Variants in CLASP2 observed in about 807,000 individuals in gnomAD.
The protein encoded by CLASP2 is cytoplasmic linker associated protein 2.
Under a neutral mutation model 194.4 loss-of-function variants are expected in CLASP2, and 47 were observed. The ratio of observed to expected loss-of-function variants is 0.24; its 90% CI spans 0.19 to 0.31. CLASP2 has a LOEUF of 0.31. Among genes scored for constraint, CLASP2 ranks in the 10% least tolerant of loss-of-function variants. The probability of loss-of-function intolerance (pLI) is 1.00; values close to 1 mark genes in which losing one functional copy is unlikely to be tolerated. For missense variants in CLASP2, 1,445 were observed against 1,823.6 expected, an observed-to-expected ratio of 0.79 and a Z score of 3.78; for synonymous variants, 619 against 633.5, an observed-to-expected ratio of 0.98 and a Z score of 0.34.
chr3:33,564,482 G>A (rs533290457), intron 27 of CLASP2, among the ~76,000 whole-genome samples: 1 of 152,258 alleles, frequency 6.6e-6, no homozygotes, highest in East Asian at 1.9e-4. Context: ...AGACTTCTCT[G>A]AGTTTCCTAA....
At chr3:33,556,914 C>T (rs1345827671) in intron 29 of CLASP2, among the ~76,000 whole-genome samples, 2 of 152,072 alleles carry the variant, frequency 1.3e-5, no homozygotes. Flanking sequence ...TTCGCTTTGT[C>T]TTTCTCTTCA....
chr3:33,628,925 G>C (rs988272065), intron 9 of CLASP2, among the ~76,000 whole-genome samples: 9 of 151,838 alleles, frequency 5.9e-5, no homozygotes, highest in African/African-American at 2.2e-4. Flanking sequence ...GAATAAAATG[G>C]AAGAACATCA....
chr3:33,606,592 T>C lies in CLASP2; in HGVS notation c.1693A>G (p.Asn565Asp). 1 of 1,609,762 alleles carries C rather than the reference T, an allele frequency of 6.2e-7. No homozygotes were observed. The highest frequency in any genetic ancestry group is 8.5e-7 in the Non-Finnish European group (1 of 1,176,720). The part of the protein sequence containing the change: ...RSSSSSQESL[N>D]RPFSSKWSTA... ...TAATCATTATTTATATGACCTTACT[T>C]GAGACTTTCCTGTGAGCTGGATGAG... Residue 565 changes from asparagine (N) to aspartate (D), a missense_variant and splice_region_variant, in exon 16 of 39, where the codon AAT (asparagine) becomes GAT (aspartate). Physicochemically the swap from Asn to Asp is conservative, Grantham distance 23. Coordinates refer to ENST00000682230, the MANE Select transcript of CLASP2 (RefSeq NM_001365631.1).
chr3:33,596,642 A>G, intron 19 of CLASP2, 69 bp downstream of exon 19: 1 of 1,045,954 alleles, frequency 9.6e-7, no homozygotes, highest in Non-Finnish European at 1.4e-6. Flanking sequence ...GAGAAGAATG[A>G]ACAAGGATAT....
chr3:33,588,144 A>G (rs895117732), intron 21 of CLASP2, among the ~76,000 whole-genome samples: 1 of 152,272 alleles, frequency 6.6e-6, no homozygotes, highest in African/African-American at 2.4e-5. Flanking sequence ...TTTTGCTTTA[A>G]TCATTAACCC....
intron 18 of CLASP2, among the ~76,000 whole-genome samples, chr3:33,600,703 C>A (rs1286126714): frequency 6.6e-6 from 1 of 152,164 alleles, no homozygotes; most frequent in Non-Finnish European, 1.5e-5. Context: ...TGGTAGTCTG[C>A]ATAATTCAAC....
rs372110144 is a variant in CLASP2, at chr3:33,498,659, G to C, written c.4493C>G (p.Pro1498Arg). 23 of 1,612,936 alleles carry C rather than the reference G, an allele frequency of 1.4e-5. No individual in the cohort carries two copies. The highest frequency in any genetic ancestry group is 1.9e-5 in the Non-Finnish European group (22 of 1,179,220). The change falls in exon 39 of 39, where the codon CCC becomes CGC. Residue 1498 changes from proline (P) to arginine (R), a missense_variant. Coordinates refer to ENST00000682230, the MANE Select transcript of CLASP2 (RefSeq NM_001365631.1). The stretch of plus-strand genomic sequence containing the variant: ...ACTTTGTCCAGAAACATCAGTAGTG[G>C]GATCAGCTCCTCCAGAACCTGTTTG... ...RAQTGSGGAD[P>R]TTDVSGQS
At chr3:33,682,644 T>C (rs796229813) in intron 6 of CLASP2, among the ~76,000 whole-genome samples, 7 of 152,314 alleles carry the variant, frequency 4.6e-5, no homozygotes, top group African/African-American at 1.7e-4. Flanking sequence ...AAAAAAGCCA[T>C]TGAAAAATAT....
At chr3:33,558,623 A>G (rs2061339104) in intron 29 of CLASP2, 1 of 152,098 alleles carries the variant, frequency 6.6e-6, no homozygotes, top group Admixed American at 6.5e-5. Flanking sequence ...TAGTTTTCAT[A>G]TTAACTGAAA....
At chr3:33,591,312 T>A (rs1393436598) in intron 21 of CLASP2, among the ~76,000 whole-genome samples, 1 of 152,224 alleles carries the variant, frequency 6.6e-6, no homozygotes, top group Non-Finnish European at 1.5e-5. Context: ...TGATTTTAAA[T>A]TAATAATGCC....
At chr3:33,685,773 CAGAA>C (rs991178259) in intron 5 of CLASP2, among the ~76,000 whole-genome samples, 1 of 124,906 alleles carries the variant, frequency 8.0e-6, no homozygotes, top group Non-Finnish European at 1.5e-5. Flanking sequence ...TTCACAAAGA[CAGAA>C]AGGAGAATAG....
chr3:33,498,811 A>G (rs2046149093), intron 38 of CLASP2, 94 bp from the exon 39 acceptor site: 2 of 581,814 alleles, frequency 3.4e-6, no homozygotes, highest in Admixed American at 3.1e-5. Flanking sequence ...GTGAGCTCTG[A>G]AAGATAGATT....
At chr3:33,548,519 G>C (rs931533881) in intron 30 of CLASP2, among the ~76,000 whole-genome samples, 1 of 152,062 alleles carries the variant, frequency 6.6e-6, no homozygotes. Flanking sequence ...GGATGGTCTT[G>C]ATCTCCTGAC....
At chr3:33,668,259 C>A (rs913796832) in intron 6 of CLASP2, among the ~76,000 whole-genome samples, 2 of 152,118 alleles carry the variant, frequency 1.3e-5, no homozygotes, top group African/African-American at 4.8e-5. Context: ...GACTTAATGT[C>A]TTTATGAACC....
At chr3:33,619,536 A>T in intron 12 of CLASP2, 67 bp downstream of exon 12, 2 of 1,354,852 alleles carry the variant, frequency 1.5e-6, no homozygotes, top group Non-Finnish European at 1.9e-6. Context: ...GGAGAGAAAA[A>T]GGGGGAGGAA....
intron 5 of CLASP2, among the ~76,000 whole-genome samples, chr3:33,684,988 C>A (rs1214843083): frequency 6.9e-6 from 1 of 145,184 alleles, no homozygotes; most frequent in African/African-American, 2.6e-5. Flanking sequence ...GGCGACAGAG[C>A]AAGACTCCAT....
chr3:33,624,650 T>C (rs1181515065), intron 10 of CLASP2, among the ~76,000 whole-genome samples: 4 of 152,060 alleles, frequency 2.6e-5, no homozygotes, highest in Non-Finnish European at 4.4e-5. Flanking sequence ...CAGTAAGAGA[T>C]TGACAGTAGT....
At chr3:33,538,089 C>T (rs947402123) in intron 33 of CLASP2, among the ~76,000 whole-genome samples, 2 of 151,180 alleles carry the variant, frequency 1.3e-5, no homozygotes, top group East Asian at 1.9e-4. Flanking sequence ...TGCAGTGAGC[C>T]GAGATTGCGC....
intron 24 of CLASP2, chr3:33,574,453 G>T: frequency 6.9e-7 from 1 of 1,453,624 alleles, no homozygotes; most frequent in Non-Finnish European, 9.1e-7. Flanking sequence ...TAAGATGTCA[G>T]AAAATAGCAA....
Sources: gnomAD v4.1 joint callset for allele counts (sites outside exome capture counted in the v4.1 genomes callset) on GRCh38, gnomAD v4.1.1 for gene constraint, MANE v1.5 for transcripts, NCBI Gene and HGNC (gene_info 2026-07-23, HGNC 2026-07-21) for gene names.